The following RALYL variants were observed in gnomAD, a reference collection of about 807,000 sequenced individuals.
RALYL encodes the protein RALY RNA binding protein like.
In RALYL, 29 loss-of-function variants were observed where a neutral mutation model predicts 35.1. The observed-to-expected ratio is 0.83, with a 90% confidence interval of 0.61 to 1.13. The LOEUF is 1.13. Among genes scored for constraint, RALYL ranks in the 50% most tolerant of loss-of-function variants. The probability of loss-of-function intolerance (pLI) is 0.00; values close to 1 mark genes in which losing one functional copy is unlikely to be tolerated. For synonymous variants in RALYL, 120 were observed against 127.6 expected, an observed-to-expected ratio of 0.94 and a Z score of 0.40; for missense variants, 359 against 360.4, an observed-to-expected ratio of 1.00 and a Z score of 0.03.
chr8:84,878,132 C>T (rs892698639), intron 7 of RALYL, among the ~76,000 whole-genome samples: 9 of 152,090 alleles, frequency 5.9e-5, no homozygotes. Context: ...GAAACAGATT[C>T]CTATGTCCCA....
rs150230737 is a variant in RALYL at position 84,489,151 on chromosome 8, T to C, written c.-23-40148T>C. Among the ~76,000 whole-genome samples, 122 of 152,204 alleles carry C rather than the reference T, an allele frequency of 8.0e-4. No homozygotes were observed. In the East Asian group the frequency reaches 0.023, roughly 29 times the overall value. On this transcript the variant is annotated intron_variant, in intron 1 of 8. Transcript: ENST00000521268. Reference sequence around the variant, plus strand: ...CCTATCAAATATGAGCATAAAGGAATGTTTCATCTCTATCTTTACAGTGTA... The same window carrying C: ...CCTATCAAATATGAGCATAAAGGAACGTTTCATCTCTATCTTTACAGTGTA...
At chr8:84,306,786 T>C (rs778242198) in intron 1 of RALYL, among the ~76,000 whole-genome samples, 33 of 152,326 alleles carry the variant, frequency 2.2e-4, no homozygotes, top group Non-Finnish European at 4.1e-4. Context: ...GGGTAATTTA[T>C]TCTACAAAGG....
intron 1 of RALYL, among the ~76,000 whole-genome samples, chr8:84,473,830 C>A (rs1018619328): frequency 6.6e-6 from 1 of 151,814 alleles, no homozygotes; most frequent in African/African-American, 2.4e-5. Flanking sequence ...TCATGTGAAA[C>A]CATATTAGGC....
intron 2 of RALYL, among the ~76,000 whole-genome samples, chr8:84,758,012 A>T (rs572853916): frequency 5.9e-5 from 9 of 152,312 alleles, no homozygotes; most frequent in Non-Finnish European, 1.3e-4. Context: ...GTTGATTTCC[A>T]AGTAGTTTTG....
chr8:84,414,974 G>A (rs943794548), intron 1 of RALYL, among the ~76,000 whole-genome samples: 1 of 152,000 alleles, frequency 6.6e-6, no homozygotes, highest in Non-Finnish European at 1.5e-5. Flanking sequence ...ATCCAAGTTC[G>A]GGGTGGGTCC....
chr8:84,366,098 T>C (rs1311705779), intron 1 of RALYL, among the ~76,000 whole-genome samples: 2 of 152,200 alleles, frequency 1.3e-5, no homozygotes, highest in Non-Finnish European at 2.9e-5. Context: ...TGCTCTGTTG[T>C]CTGGTGCCAG....
At position 84,850,024 on chromosome 8, in the gene RALYL, A is replaced by G; in HGVS notation, c.410A>G (p.Asn137Ser). Residue 137 changes from asparagine to serine, a missense_variant, in exon 5 of 9, where the codon AAT (asparagine) becomes AGT (serine). Asn to Ser is a conservative substitution (Grantham distance 46, BLOSUM62 1). Transcript: ENST00000521268. ...GATTACTACAGAGATGATTTCTACA[A>G]TCGGTATGTGAATTTTTCATCCTTG... ...DYDYYRDDFYNRLFDYHGRVP... is the reference protein window; with the variant it reads ...DYDYYRDDFYSRLFDYHGRVP... 3 of 1,470,604 alleles carry G rather than the reference A, an allele frequency of 2.0e-6. No homozygotes were observed. Among genetic ancestry groups the G allele is most frequent in the African/African-American group, 2.9e-5 (2 of 69,974 alleles). The allele number at this position is 1,470,604 out of a possible 1,614,324, so 91.1% of individuals were successfully genotyped here. A position where few individuals can be genotyped will look rare whatever the true frequency, so the allele number is the denominator to read the frequency against.
rs570694601 is a variant in RALYL at position 84,629,694 on chromosome 8, G to A, written c.256+100117G>A. ...CAATAGAGCATATATTTGTGTGTGT[G>A]TATATACACACAGTATTTCATAGAC... is the stretch of plus-strand genomic sequence containing the variant. On this transcript the variant is annotated intron_variant, in intron 2 of 8. Coordinates refer to ENST00000521268, the MANE Select transcript of RALYL (RefSeq NM_173848.7). Among the ~76,000 whole-genome samples the A allele has an allele frequency of 4.6e-5, 7 of 152,038 alleles. No individual in the cohort carries two copies. In the East Asian group the frequency reaches 5.8e-4, roughly 13 times the overall value.
At chr8:84,568,916 T>G (rs1807180420) in intron 2 of RALYL, among the ~76,000 whole-genome samples, 1 of 151,698 alleles carries the variant, frequency 6.6e-6, no homozygotes, top group Admixed American at 6.6e-5. Flanking sequence ...CTTGTAAATT[T>G]GTTTGAGTTC....
chr8:84,681,941 G>C (rs1475018786), intron 2 of RALYL, among the ~76,000 whole-genome samples: 2 of 152,140 alleles, frequency 1.3e-5, no homozygotes, highest in Non-Finnish European at 2.9e-5. Context: ...AATGCTTACA[G>C]TTTTTGCCCA....
At chr8:84,351,399 A>G (rs1850853639) in intron 1 of RALYL, among the ~76,000 whole-genome samples, 1 of 150,194 alleles carries the variant, frequency 6.7e-6, no homozygotes, top group Non-Finnish European at 1.5e-5. Context: ...ATTCATTTTA[A>G]AAAATAGCCT....
chr8:84,214,705 C>G (rs1820351798), intron 1 of RALYL, among the ~76,000 whole-genome samples: 1 of 152,014 alleles, frequency 6.6e-6, no homozygotes, highest in Non-Finnish European at 1.5e-5. Context: ...GTAGTCTATT[C>G]ACTATATCAC....
At chr8:84,317,053 C>G (rs1843887286) in intron 1 of RALYL, among the ~76,000 whole-genome samples, 1 of 151,146 alleles carries the variant, frequency 6.6e-6, no homozygotes, top group African/African-American at 2.4e-5. Context: ...CCACTTCTTA[C>G]TCAACATAAT....
intron 1 of RALYL, among the ~76,000 whole-genome samples, chr8:84,469,939 A>T (rs976659955): frequency 6.6e-6 from 1 of 152,326 alleles, no homozygotes; most frequent in South Asian, 2.1e-4. Flanking sequence ...TGACTCAGAC[A>T]GGGAACTCCC....
At chr8:84,816,040 AAAAAAAAAAAAAG>A (rs1309185263) in intron 4 of RALYL, among the ~76,000 whole-genome samples, 25 of 151,068 alleles carry the variant, frequency 1.7e-4, no homozygotes, top group African/African-American at 5.8e-4. Context: ...CTCAAAAAAA[AAAAAAAAAAAAAG>A]AAAAAAAGAA....
At chr8:84,738,792 A>C (rs1847780517) in intron 2 of RALYL, among the ~76,000 whole-genome samples, 3 of 152,040 alleles carry the variant, frequency 2.0e-5, no homozygotes, top group Non-Finnish European at 4.4e-5. Context: ...TGCAGTGAAC[A>C]TCAATGGGGA....
chr8:84,447,090 G>T (rs2048939910), intron 1 of RALYL, among the ~76,000 whole-genome samples: 1 of 151,930 alleles, frequency 6.6e-6, no homozygotes, highest in South Asian at 2.1e-4. Context: ...TTTGTCACAG[G>T]TCTGCTTTAG....
intron 1 of RALYL, among the ~76,000 whole-genome samples, chr8:84,391,321 A>G (rs1241774770): frequency 1.3e-5 from 2 of 151,940 alleles, no homozygotes; most frequent in Admixed American, 6.6e-5. Flanking sequence ...ACTATTCTCA[A>G]TATTTAGGGT....
chr8:84,754,343 G>T (rs182648407), intron 2 of RALYL, among the ~76,000 whole-genome samples: 87 of 152,120 alleles, frequency 5.7e-4, no homozygotes, highest in Non-Finnish European at 1.0e-3. Context: ...TTCCTTCATA[G>T]ATAACTCATG....
Sources: allele counts gnomAD v4.1 joint callset (sites outside exome capture counted in the v4.1 genomes callset), GRCh38; gene constraint gnomAD v4.1.1; transcripts MANE v1.5; gene names NCBI Gene and HGNC (gene_info 2026-07-23, HGNC 2026-07-21).